SPOCK1: variants seen among roughly 807,000 people sequenced by gnomAD.
SPOCK1 encodes the protein SPARC (osteonectin), cwcv and kazal like domains proteoglycan 1.
A neutral mutation model predicts 55.3 loss-of-function variants in SPOCK1; 23 were observed. The observed-to-expected ratio is 0.42, with a 90% CI of 0.30 to 0.59. SPOCK1 has a LOEUF of 0.59. SPOCK1 is among the 20% of genes least tolerant of loss of function. SPOCK1 has a pLI of 0.22. For missense variants in SPOCK1, 499 were observed against 552.5 expected (o/e 0.90, Z 0.97); for synonymous variants, 226 against 221.0 (o/e 1.02, Z -0.20).
rs111890510 is a variant in SPOCK1 at position 137,390,839 on chromosome 5, G to C, written c.186+107534C>G. Among the ~76,000 whole-genome samples, 1,446 of 149,036 alleles carry C rather than the reference G, an allele frequency of 9.7e-3. 19 individuals are homozygous for C. Among genetic ancestry groups the C allele is most frequent in the African/African-American group, 0.035 (1,358 of 38,522 alleles). ...GGCCTGCAGTTAGGGAGTAGCTGGT[G>C]GGGGGGTGTGGCAAATGGAACAGAG... is the stretch of plus-strand genomic sequence containing the variant. On this transcript the variant is annotated intron_variant, in intron 2 of 10. Coordinates refer to ENST00000394945, the MANE Select transcript of SPOCK1 (RefSeq NM_004598.4).
intron 4 of SPOCK1, among the ~76,000 whole-genome samples, chr5:137,119,535 T>C (rs924998193): frequency 1.3e-5 from 2 of 152,162 alleles, no homozygotes; most frequent in African/African-American, 2.4e-5. Flanking sequence ...AGATTTTCCA[T>C]CGTGGGGTAT....
At chr5:137,099,519 C>T (rs1408136791) in intron 5 of SPOCK1, among the ~76,000 whole-genome samples, 3 of 151,932 alleles carry the variant, frequency 2.0e-5, no homozygotes, top group African/African-American at 4.8e-5. Flanking sequence ...CAAGCTGAAA[C>T]AGGCAAGTGT....
intron 3 of SPOCK1, among the ~76,000 whole-genome samples, chr5:137,224,521 C>T (rs1043779328): frequency 1.3e-5 from 2 of 152,172 alleles, no homozygotes; most frequent in African/African-American, 4.8e-5. Flanking sequence ...CAGTTCATAC[C>T]TAATTCCCAA....
chr5:137,482,619 G>A (rs1370577148), intron 2 of SPOCK1, among the ~76,000 whole-genome samples: 3 of 152,164 alleles, frequency 2.0e-5, no homozygotes. Context: ...CCAATACCCA[G>A]CCATGTGGTA....
At chr5:137,173,297 G>A (rs1580789939) in intron 3 of SPOCK1, among the ~76,000 whole-genome samples, 1 of 152,218 alleles carries the variant, frequency 6.6e-6, no homozygotes, top group Admixed American at 6.5e-5. Context: ...CTTTTCCAAT[G>A]TATGGCCTTC....
intron 6 of SPOCK1, among the ~76,000 whole-genome samples, chr5:137,033,699 C>T (rs1423348830): frequency 1.3e-5 from 2 of 152,344 alleles, no homozygotes; most frequent in East Asian, 1.9e-4. Flanking sequence ...TCAACTTCAA[C>T]CACTCTTCTC....
chr5:137,340,505 A>C (rs973463817), intron 2 of SPOCK1, among the ~76,000 whole-genome samples: 2 of 152,208 alleles, frequency 1.3e-5, no homozygotes, highest in African/African-American at 2.4e-5. Context: ...TGAAATAAGA[A>C]TAACTGTAGT....
intron 2 of SPOCK1, among the ~76,000 whole-genome samples, chr5:137,425,373 C>G (rs970354556): frequency 6.6e-6 from 1 of 152,092 alleles, no homozygotes; most frequent in African/African-American, 2.4e-5. Flanking sequence ...CCATGTGTGG[C>G]TTTTCATCTG....
At chr5:137,242,351 A>G (rs1756299348) in intron 3 of SPOCK1, among the ~76,000 whole-genome samples, 1 of 152,164 alleles carries the variant, frequency 6.6e-6, no homozygotes, top group Non-Finnish European at 1.5e-5. Context: ...AAGTCTCATG[A>G]GATCTGATGG....
At chr5:137,153,790 C>A (rs964253880) in intron 3 of SPOCK1, among the ~76,000 whole-genome samples, 4 of 151,282 alleles carry the variant, frequency 2.6e-5, no homozygotes, top group African/African-American at 9.7e-5. Context: ...CCCAGGAGGT[C>A]AAGGCTGCAG....
chr5:137,367,206 T>G lies in SPOCK1; in HGVS notation c.187-100151A>C, dbSNP rs553563968. On this transcript the variant is annotated intron_variant, in intron 2 of 10. Transcript: ENST00000394945. ...AAGCTGATGCCCTTCCTTTGCTACT[T>G]GAAGTGAAACACTGACAATCACCAG... 2.7e-4 allele frequency among the ~76,000 whole-genome samples: 41 copies of G among 152,298 alleles called. No individual in the cohort carries two copies. The South Asian group carries it at 5.8e-3, about 22-fold the overall frequency.
chr5:137,282,895 A>G (rs537884044), intron 2 of SPOCK1, among the ~76,000 whole-genome samples: 10 of 152,178 alleles, frequency 6.6e-5, no homozygotes, highest in Non-Finnish European at 1.3e-4. Context: ...CCATTTGACT[A>G]AAGCTGCCCA....
chr5:137,078,934 AG>A (rs1450780225), intron 5 of SPOCK1, among the ~76,000 whole-genome samples: 2 of 152,198 alleles, frequency 1.3e-5, no homozygotes, highest in Non-Finnish European at 2.9e-5. Flanking sequence ...CCAGCAGAAA[AG>A]GTCCCCAGAG....
intron 2 of SPOCK1, among the ~76,000 whole-genome samples, chr5:137,302,513 C>G (rs1032463105): frequency 1.3e-5 from 2 of 151,534 alleles, no homozygotes; most frequent in Non-Finnish European, 2.9e-5. Flanking sequence ...GGAGGCAGAG[C>G]TTGCAGTGAG....
At chr5:137,001,344 T>C (rs1319752730) in intron 6 of SPOCK1, among the ~76,000 whole-genome samples, 2 of 152,170 alleles carry the variant, frequency 1.3e-5, no homozygotes, top group Non-Finnish European at 2.9e-5. Context: ...GTCATGCATG[T>C]GATGTTTTCA....
intron 6 of SPOCK1, among the ~76,000 whole-genome samples, chr5:136,996,128 T>C (rs957570641): frequency 6.6e-6 from 1 of 152,184 alleles, no homozygotes; most frequent in African/African-American, 2.4e-5. Flanking sequence ...AAGGTGCTCA[T>C]CATCGCCCCC....
At chr5:137,081,070 G>A (rs1334260810) in intron 5 of SPOCK1, among the ~76,000 whole-genome samples, 2 of 152,242 alleles carry the variant, frequency 1.3e-5, no homozygotes, top group African/African-American at 4.8e-5. Flanking sequence ...CAGGGGGGCT[G>A]TGCCTCCTGT....
At chr5:137,320,687 T>G (rs1041698554) in intron 2 of SPOCK1, among the ~76,000 whole-genome samples, 6 of 152,172 alleles carry the variant, frequency 3.9e-5, no homozygotes, top group African/African-American at 1.4e-4. Context: ...AATGGGAAAT[T>G]ACACACACAA....
At chr5:137,477,945 A>G (rs1422453294) in intron 2 of SPOCK1, among the ~76,000 whole-genome samples, 3 of 152,198 alleles carry the variant, frequency 2.0e-5, no homozygotes, top group African/African-American at 7.2e-5. Context: ...AGTGGACTTC[A>G]TTCAGCAACA....
Sources: allele counts gnomAD v4.1 joint callset (sites outside exome capture counted in the v4.1 genomes callset), GRCh38; gene constraint gnomAD v4.1.1; transcripts MANE v1.5; gene names NCBI Gene and HGNC (gene_info 2026-07-23, HGNC 2026-07-21).